Variants in PINX1 observed in about 807,000 individuals in gnomAD.
PINX1 encodes PIN2/TERF1-interacting telomerase inhibitor 1.
A neutral mutation model predicts 25.4 loss-of-function variants in PINX1; 34 were observed. The ratio of observed to expected loss-of-function variants is 1.34; its 90% CI spans 1.02 to 1.78. The LOEUF (loss-of-function observed/expected upper bound fraction) is 1.78. Among genes scored for constraint, PINX1 ranks in the 40% most tolerant of loss-of-function variants. PINX1 has a pLI of 0.00. For missense variants in PINX1, 592 were observed against 404.9 expected (o/e 1.46, Z -3.97); for synonymous variants, 197 against 147.7 (o/e 1.33, Z -2.42).
intron 6 of PINX1, among the ~76,000 whole-genome samples, chr8:10,801,096 G>C (rs943242922): frequency 1.3e-5 from 2 of 152,154 alleles, no homozygotes; most frequent in African/African-American, 4.8e-5. Context: ...ATATATTTTA[G>C]GAAGACACTG....
intron 6 of PINX1, among the ~76,000 whole-genome samples, chr8:10,812,372 C>T (rs1018567969): frequency 2.0e-5 from 3 of 152,166 alleles, no homozygotes; most frequent in South Asian, 2.1e-4. Flanking sequence ...GATCATTTCA[C>T]GTGTTCTCTT....
chr8:10,813,963 T>A (rs1797615128), intron 6 of PINX1, among the ~76,000 whole-genome samples: 2 of 151,520 alleles, frequency 1.3e-5, no homozygotes, highest in African/African-American at 4.8e-5. Context: ...CTGATGGAAT[T>A]TGTTTTTCAG....
rs186210525 is a variant in PINX1, at chr8:10,817,848, T to C, written c.471+2345A>G. On this transcript the variant is annotated intron_variant, in intron 6 of 6. Coordinates refer to ENST00000314787, the MANE Select transcript of PINX1 (RefSeq NM_017884.6). ...GGAAGCCAGAAGCTCTCAGTACAGC[T>C]GCATGGCAGGCTATCCCCGTGTTCT... 1.1e-3 allele frequency among the ~76,000 whole-genome samples: 171 copies of C among 152,344 alleles called. 1 individual carries two copies. Among genetic ancestry groups the C allele is most frequent in the African/African-American group, 3.7e-3 (153 of 41,584 alleles).
At chr8:10,782,418 G>C (rs930181827) in intron 6 of PINX1, among the ~76,000 whole-genome samples, 11 of 102,040 alleles carry the variant, frequency 1.1e-4, no homozygotes, top group African/African-American at 3.7e-4. Context: ...AAATATACTC[G>C]ATAAAAAAAA....
chr8:10,797,842 T>G (rs942216818), intron 6 of PINX1, among the ~76,000 whole-genome samples: 2 of 152,230 alleles, frequency 1.3e-5, no homozygotes, highest in African/African-American at 2.4e-5. Context: ...CAGGAACTAG[T>G]GACCTCTCCA....
chr8:10,798,250 G>A (rs774023388), intron 6 of PINX1, among the ~76,000 whole-genome samples: 2 of 152,220 alleles, frequency 1.3e-5, no homozygotes, highest in African/African-American at 4.8e-5. Context: ...TGAAGTGTGC[G>A]TGTATGCATA....
intron 6 of PINX1, among the ~76,000 whole-genome samples, chr8:10,798,746 G>A (rs1802168733): frequency 6.6e-6 from 1 of 152,122 alleles, no homozygotes; most frequent in Admixed American, 6.5e-5. Context: ...CAGTCTAATG[G>A]CCTGGTCACT....
chr8:10,785,985 G>C (rs931224956), intron 6 of PINX1, among the ~76,000 whole-genome samples: 2 of 152,230 alleles, frequency 1.3e-5, no homozygotes, highest in Non-Finnish European at 2.9e-5. Context: ...ACCAGATTAA[G>C]GGAGTTTATG....
intron 6 of PINX1, among the ~76,000 whole-genome samples, chr8:10,775,410 G>GTTTTTTTTTTTTTTTTTTTTTTTTTTTT (rs143926728): frequency 2.7e-5 from 3 of 109,614 alleles, no homozygotes; most frequent in Non-Finnish European, 3.7e-5. Flanking sequence ...CTGTTTTGTG[G>GTTTTTTTTTTTTTTTTTTTTTTTTTTTT]TTTTTTTTTT....
chr8:10,794,465 G>A (rs1362025904), intron 6 of PINX1, among the ~76,000 whole-genome samples: 3 of 150,730 alleles, frequency 2.0e-5, no homozygotes, highest in South Asian at 4.2e-4. Context: ...ACGGAGTTTC[G>A]CTCTTCTTGC....
chr8:10,797,315 T>C (rs1180337472), intron 6 of PINX1, among the ~76,000 whole-genome samples: 1 of 152,130 alleles, frequency 6.6e-6, no homozygotes, highest in East Asian at 1.9e-4. Context: ...CTCCCTCAAA[T>C]ACAAGGCATT....
At position 10,765,652 on chromosome 8, in the gene PINX1, G is replaced by A. The variant is rs201776680; in HGVS notation, c.736C>T (p.Gln246Ter). ...CTCTTCTTCTTGGCCACTCGCTCCTGGGCCTCGGCCCTCTCGGGCTTTCCC... is the reference window on the plus strand; with the variant it reads ...CTCTTCTTCTTGGCCACTCGCTCCTAGGCCTCGGCCCTCTCGGGCTTTCCC... ...TEGKPERAEA[Q>*]ERVAKKKSAP... The change falls in exon 7 of 7, where the codon CAG (glutamine) becomes TAG (stop). Residue 246 changes from glutamine to a stop codon, truncating the protein, a stop_gained. Coordinates refer to ENST00000314787, the MANE Select transcript of PINX1 (RefSeq NM_017884.6). LOFTEE classifies it low-confidence loss of function (END_TRUNC). The A allele has an allele frequency of 6.8e-6, 11 of 1,613,842 alleles. No homozygotes were observed. The highest frequency in any genetic ancestry group is 1.7e-5 in the Admixed American group (1 of 60,014).
At chr8:10,803,930 C>T (rs777724842) in intron 6 of PINX1, among the ~76,000 whole-genome samples, 1 of 152,138 alleles carries the variant, frequency 6.6e-6, no homozygotes, top group African/African-American at 2.4e-5. Flanking sequence ...GGAAATCAAC[C>T]TGCAATGTAA....
At chr8:10,820,120 G>A in intron 6 of PINX1, 73 bp downstream of exon 6, 3 of 955,294 alleles carry the variant, frequency 3.1e-6, no homozygotes, top group Non-Finnish European at 5.1e-6. Context: ...GTCATAGATA[G>A]AAACAGTCCT....
At chr8:10,810,855 A>G (rs1797493082) in intron 6 of PINX1, among the ~76,000 whole-genome samples, 1 of 152,258 alleles carries the variant, frequency 6.6e-6, no homozygotes, top group Non-Finnish European at 1.5e-5. Context: ...AAAATGGCAG[A>G]CAGGAGTCAC....
chr8:10,788,665 A>C (rs953317025), intron 6 of PINX1, among the ~76,000 whole-genome samples: 4 of 152,172 alleles, frequency 2.6e-5, no homozygotes, highest in African/African-American at 9.7e-5. Context: ...TCTGTGTCTA[A>C]GTGAAAGTGG....
intron 6 of PINX1, among the ~76,000 whole-genome samples, chr8:10,805,189 A>T (rs1304868965): frequency 6.6e-6 from 1 of 152,210 alleles, no homozygotes; most frequent in Non-Finnish European, 1.5e-5. Context: ...AAGTTACCTG[A>T]CCTGCTGCGA....
At chr8:10,800,306 T>G (rs1277193619) in intron 6 of PINX1, among the ~76,000 whole-genome samples, 1 of 152,188 alleles carries the variant, frequency 6.6e-6, no homozygotes, top group East Asian at 1.9e-4. Flanking sequence ...TAAACGACAC[T>G]GATGCAATCA....
intron 6 of PINX1, among the ~76,000 whole-genome samples, chr8:10,816,733 C>T (rs1009927804): frequency 2.0e-5 from 3 of 152,216 alleles, no homozygotes; most frequent in Non-Finnish European, 4.4e-5. Context: ...CCTAACTAAC[C>T]CCCTTCAATG....
Sources: gnomAD v4.1 joint callset for allele counts (sites outside exome capture counted in the v4.1 genomes callset) on GRCh38, gnomAD v4.1.1 for gene constraint, MANE v1.5 for transcripts, NCBI Gene and HGNC (gene_info 2026-07-23, HGNC 2026-07-21) for gene names.